ABCA4: variants seen among roughly 807,000 people sequenced by gnomAD.
ABCA4 encodes retinal-specific phospholipid-transporting ATPase ABCA4.
Under a neutral mutation model 263.7 loss-of-function variants are expected in ABCA4, and 196 were observed. That is an observed-to-expected ratio of 0.74 (90% CI 0.66 to 0.84). ABCA4 has a LOEUF of 0.84. Ranked by LOEUF, ABCA4 falls within the 40% of genes least tolerant of loss-of-function variation. The pLI is 0.00. For missense variants in ABCA4, 2,792 were observed against 2,855.1 expected (o/e 0.98, Z 0.50); for synonymous variants, 1,133 against 1,094.2 (o/e 1.04, Z -0.70).
intron 26 of ABCA4, 50 bp from the exon 27 acceptor site, chr1:94,032,093 G>T: frequency 6.3e-7 from 1 of 1,598,772 alleles, no homozygotes; most frequent in Non-Finnish European, 8.5e-7. Context: ...ATAAGGTCTG[G>T]ATCTCTAATG....
intron 6 of ABCA4, among the ~76,000 whole-genome samples, chr1:94,089,470 AT>A (rs60711208): frequency 0.011 from 1,535 of 141,638 alleles, 12 homozygotes; most frequent in African/African-American, 0.03. Context: ...TTTCTTTTCT[AT>A]TTTTTTTTTT....
chr1:94,117,728 C>G (rs1321335117), intron 1 of ABCA4, among the ~76,000 whole-genome samples: 2 of 152,062 alleles, frequency 1.3e-5, no homozygotes, highest in African/African-American at 4.8e-5. Context: ...CAGACCTCCT[C>G]CTCACCTCCC....
chr1:94,063,337 TGA>T lies in ABCA4; in HGVS notation c.1555-22_1555-21del. 2 of 1,611,210 alleles carry T rather than the reference TGA, an allele frequency of 1.2e-6. No homozygotes were observed. The highest frequency in any genetic ancestry group is 8.5e-7 in the Non-Finnish European group (1 of 1,177,434). On this transcript the variant is annotated intron_variant, in intron 11 of 49. Transcript: ENST00000370225. ...CAAGCACTGCAGAGAGTCACAAAGT[TGA>T]GAGAGTGTGAGGAGGACCAACTGCA...
intron 15 of ABCA4, 77 bp from the exon 16 acceptor site, chr1:94,055,392 G>A: frequency 6.9e-7 from 1 of 1,451,592 alleles, no homozygotes; most frequent in Non-Finnish European, 9.6e-7. Flanking sequence ...TGCCCTCGAG[G>A]TAGAGGGGAG....
rs746958360 is a variant in ABCA4, at chr1:94,037,244, G to T, written c.3714C>A (p.Phe1238Leu). 2.5e-6 allele frequency: 4 copies of T among 1,614,230 alleles called. No individual in the cohort carries two copies. In the South Asian group the frequency reaches 4.4e-5, roughly 18 times the overall value. ...ELIFLLPNKN[F>L]KHRAYASLFR... ...AAAGGCTGGCATATGCTCTGTGCTTGAAGTTCTTATTTGGAAGAAGGAAGA... is the reference window on the plus strand; with the variant it reads ...AAAGGCTGGCATATGCTCTGTGCTTTAAGTTCTTATTTGGAAGAAGGAAGA... Residue 1238 changes from phenylalanine to leucine, a missense_variant, in exon 25 of 50, where the codon TTC becomes TTA. Coordinates refer to ENST00000370225, the MANE Select transcript of ABCA4 (RefSeq NM_000350.3).
intron 4 of ABCA4, among the ~76,000 whole-genome samples, chr1:94,106,807 C>T (rs1461142453): frequency 6.6e-6 from 1 of 152,150 alleles, no homozygotes; most frequent in African/African-American, 2.4e-5. Context: ...ATCAGATTCT[C>T]CTCGGAGAAG....
At chr1:94,084,100 C>A (rs1000701910) in intron 6 of ABCA4, among the ~76,000 whole-genome samples, 3 of 152,220 alleles carry the variant, frequency 2.0e-5, no homozygotes, top group African/African-American at 7.2e-5. Flanking sequence ...ATGTGGAAGT[C>A]CCCAGGTGTG....
At chr1:94,083,270 T>C in intron 7 of ABCA4, 82 bp downstream of exon 7, 1 of 1,231,108 alleles carries the variant, frequency 8.1e-7, no homozygotes. Context: ...AGGTTTGAAA[T>C]ACAATTAAAT....
intron 5 of ABCA4, among the ~76,000 whole-genome samples, chr1:94,102,609 C>A (rs74837924): frequency 0.028 from 4,201 of 152,206 alleles, 99 homozygotes; most frequent in Non-Finnish European, 0.04. Flanking sequence ...TCGCCTGTGG[C>A]CCCACTGGAA....
At chr1:94,072,584 C>T in intron 11 of ABCA4, among the ~76,000 whole-genome samples, 1 of 152,100 alleles carries the variant, frequency 6.6e-6, no homozygotes, top group East Asian at 1.9e-4. Flanking sequence ...AGCTTTTCTC[C>T]AGAAGCAAAA....
chr1:94,058,408 C>A (rs909747206), intron 14 of ABCA4, among the ~76,000 whole-genome samples: 1 of 152,150 alleles, frequency 6.6e-6, no homozygotes, highest in Non-Finnish European at 1.5e-5. Context: ...GTTGCCCAGG[C>A]TAGAGTGCAG....
At chr1:94,108,064 C>T (rs1662491157) in intron 4 of ABCA4, among the ~76,000 whole-genome samples, 1 of 152,170 alleles carries the variant, frequency 6.6e-6, no homozygotes, top group Admixed American at 6.5e-5. Flanking sequence ...CACCCACTCT[C>T]CACTTGCTCT....
At chr1:94,067,558 T>A (rs1051306150) in intron 11 of ABCA4, among the ~76,000 whole-genome samples, 11 of 152,252 alleles carry the variant, frequency 7.2e-5, no homozygotes, top group Admixed American at 6.5e-4. Flanking sequence ...TTCCTTGCCT[T>A]GCAAATTGGT....
intron 13 of ABCA4, among the ~76,000 whole-genome samples, chr1:94,062,026 C>T (rs1006061298): frequency 6.6e-6 from 1 of 152,056 alleles, no homozygotes; most frequent in Admixed American, 6.5e-5. Context: ...TTGGCTTATT[C>T]CTGGTCAACA....
At chr1:94,019,825 A>G (rs1443526509) in intron 35 of ABCA4, 66 bp from the exon 36 acceptor site, 2 of 1,551,176 alleles carry the variant, frequency 1.3e-6, no homozygotes, top group African/African-American at 2.7e-5. Context: ...AGGAGAAGAT[A>G]CAAAGTCAGG....
At chr1:94,092,845 G>A (rs1662004913) in intron 6 of ABCA4, among the ~76,000 whole-genome samples, 1 of 152,186 alleles carries the variant, frequency 6.6e-6, no homozygotes, top group Non-Finnish European at 1.5e-5. Context: ...GGAGCAAAGG[G>A]CCTCTCAAAA....
At chr1:94,042,290 G>T (rs985776436) in intron 22 of ABCA4, among the ~76,000 whole-genome samples, 2 of 152,004 alleles carry the variant, frequency 1.3e-5, no homozygotes, top group Non-Finnish European at 2.9e-5. Context: ...TGTCTCTTCT[G>T]ATCTGAGCCC....
intron 11 of ABCA4, among the ~76,000 whole-genome samples, chr1:94,068,165 A>T (rs898508296): frequency 3.3e-5 from 5 of 152,204 alleles, no homozygotes; most frequent in African/African-American, 1.2e-4. Flanking sequence ...CCCATGTCCC[A>T]GGTGGGCAGT....
At chr1:94,003,251 G>C (rs995244996) in intron 44 of ABCA4, among the ~76,000 whole-genome samples, 3 of 151,620 alleles carry the variant, frequency 2.0e-5, no homozygotes, top group African/African-American at 7.3e-5. Flanking sequence ...TCTATTGTCT[G>C]CTATTCAGTC....
Sources: gnomAD v4.1 joint callset for allele counts (sites outside exome capture counted in the v4.1 genomes callset) on GRCh38, gnomAD v4.1.1 for gene constraint, MANE v1.5 for transcripts, NCBI Gene and HGNC (gene_info 2026-07-23, HGNC 2026-07-21) for gene names.